Variants in NXPH2 observed in about 807,000 individuals in gnomAD.
NXPH2 encodes the protein neurexophilin 2.
Under a neutral mutation model 19.8 loss-of-function variants are expected in NXPH2, and 5 were observed. The ratio of observed to expected loss-of-function variants is 0.25; its 90% CI spans 0.13 to 0.53. The LOEUF (loss-of-function observed/expected upper bound fraction) is 0.53. Among genes scored for constraint, NXPH2 ranks in the 20% least tolerant of loss-of-function variants. NXPH2 has a pLI of 0.96. For synonymous variants in NXPH2, 154 were observed against 127.4 expected (o/e 1.21, Z -1.41); for missense variants, 289 against 322.8 (o/e 0.90, Z 0.80).
At chr2:138,744,496 G>T (rs1681694678) in intron 1 of NXPH2, among the ~76,000 whole-genome samples, 1 of 151,890 alleles carries the variant, frequency 6.6e-6, no homozygotes, top group Non-Finnish European at 1.5e-5. Context: ...GGCATCTTTT[G>T]GACCAATATT....
chr2:138,738,596 C>T lies in NXPH2; in HGVS notation c.51+41595G>A, dbSNP rs149042830. Reference sequence around the variant, plus strand: ...ATAGATTTCCTCAATCACTTCAATGCTCATTATAGAAGCACCTCTGTTCTA... The same window carrying T: ...ATAGATTTCCTCAATCACTTCAATGTTCATTATAGAAGCACCTCTGTTCTA... On this transcript the variant is annotated intron_variant, in intron 1 of 1. Transcript: ENST00000272641. 1.3e-3 allele frequency among the ~76,000 whole-genome samples: 204 copies of T among 152,246 alleles called. 1 individual carries two copies. The highest frequency in any genetic ancestry group is 4.7e-3 in the African/African-American group (194 of 41,542).
At chr2:138,675,165 T>C (rs1234585423) in intron 1 of NXPH2, among the ~76,000 whole-genome samples, 1 of 152,252 alleles carries the variant, frequency 6.6e-6, no homozygotes, top group Non-Finnish European at 1.5e-5. Context: ...ACATTTTTCA[T>C]TCAAAAGTAT....
At chr2:138,749,900 A>G (rs1453451371) in intron 1 of NXPH2, among the ~76,000 whole-genome samples, 1 of 152,132 alleles carries the variant, frequency 6.6e-6, no homozygotes, top group Admixed American at 6.6e-5. Context: ...GCTTATTTAA[A>G]GGGACTGTTT....
intron 1 of NXPH2, among the ~76,000 whole-genome samples, chr2:138,718,470 T>C (rs1335346978): frequency 1.3e-5 from 2 of 152,168 alleles, no homozygotes. Context: ...CTACAATTTT[T>C]ATGTAATATT....
chr2:138,693,609 ACTCTCTAGAAGC>A (rs1680775918), intron 1 of NXPH2, among the ~76,000 whole-genome samples: 1 of 151,574 alleles, frequency 6.6e-6, no homozygotes, highest in Admixed American at 6.6e-5. Flanking sequence ...CAAAGATGTG[ACTCTCTAGAAGC>A]AATAAACTAT....
intron 1 of NXPH2, among the ~76,000 whole-genome samples, chr2:138,719,188 A>T (rs951712982): frequency 8.5e-5 from 13 of 152,182 alleles, no homozygotes; most frequent in Non-Finnish European, 1.6e-4. Context: ...CTTTGGAAAG[A>T]ATGAGATATG....
At chr2:138,700,337 T>G (rs1680900677) in intron 1 of NXPH2, among the ~76,000 whole-genome samples, 1 of 152,284 alleles carries the variant, frequency 6.6e-6, no homozygotes, top group African/African-American at 2.4e-5. Context: ...AAATAAACCT[T>G]AACTATTCAA....
At chr2:138,726,370 A>G (rs924725658) in intron 1 of NXPH2, among the ~76,000 whole-genome samples, 2 of 152,128 alleles carry the variant, frequency 1.3e-5, no homozygotes, top group Admixed American at 6.6e-5. Flanking sequence ...AATTAATATA[A>G]TGTTGATTTA....
intron 1 of NXPH2, among the ~76,000 whole-genome samples, chr2:138,770,506 A>T (rs1682160673): frequency 6.6e-6 from 1 of 152,108 alleles, no homozygotes; most frequent in Admixed American, 6.5e-5. Flanking sequence ...TTTTAATATG[A>T]GACATAATGT....
rs549475528 is a variant in NXPH2, at chr2:138,716,300, C to T, written c.52-44635G>A. On this transcript the variant is annotated intron_variant, in intron 1 of 1. Transcript: ENST00000272641. ...AATGGATGGTAGTAGGAGACCGGGC[C>T]TCGGGGAGGAAACTAGGTTTAGATG... Among the ~76,000 whole-genome samples the T allele has an allele frequency of 3.3e-5, 5 of 152,232 alleles. No individual in the cohort carries two copies. The East Asian group carries it at 7.7e-4, about 24-fold the overall frequency.
At chr2:138,673,317 C>A (rs920216355) in intron 1 of NXPH2, among the ~76,000 whole-genome samples, 2 of 152,282 alleles carry the variant, frequency 1.3e-5, no homozygotes, top group African/African-American at 4.8e-5. Flanking sequence ...CTCTGGATTT[C>A]TGGCTCAAAG....
At chr2:138,736,346 A>T (rs1431507557) in intron 1 of NXPH2, among the ~76,000 whole-genome samples, 2 of 152,232 alleles carry the variant, frequency 1.3e-5, no homozygotes, top group East Asian at 1.9e-4. Context: ...CCAAACCTCA[A>T]TTCTTGACTT....
At chr2:138,731,879 A>C (rs1681458739) in intron 1 of NXPH2, among the ~76,000 whole-genome samples, 1 of 152,134 alleles carries the variant, frequency 6.6e-6, no homozygotes, top group Admixed American at 6.6e-5. Context: ...TTGGGCCCCA[A>C]CAGTTTTTTA....
At chr2:138,683,587 G>C (rs78114236) in intron 1 of NXPH2, among the ~76,000 whole-genome samples, 266 of 152,252 alleles carry the variant, frequency 1.7e-3, no homozygotes, top group African/African-American at 6.2e-3. Context: ...TCGGTCTTCA[G>C]GTACCATTAA....
chr2:138,696,008 T>C (rs556245692), intron 1 of NXPH2, among the ~76,000 whole-genome samples: 1 of 150,722 alleles, frequency 6.6e-6, no homozygotes, highest in Admixed American at 6.6e-5. Flanking sequence ...AGGAAGACCC[T>C]GTCTCTAAAA....
At chr2:138,754,330 C>G (rs1396415176) in intron 1 of NXPH2, among the ~76,000 whole-genome samples, 1 of 152,170 alleles carries the variant, frequency 6.6e-6, no homozygotes, top group Non-Finnish European at 1.5e-5. Context: ...GCCTGTCCTT[C>G]ACTATCCAAA....
chr2:138,715,423 A>T (rs756008202), intron 1 of NXPH2, among the ~76,000 whole-genome samples: 27 of 152,222 alleles, frequency 1.8e-4, no homozygotes, highest in Non-Finnish European at 3.8e-4. Flanking sequence ...GTGTCCATAC[A>T]TCAGATTTTT....
At chr2:138,763,091 A>C (rs1573982166) in intron 1 of NXPH2, among the ~76,000 whole-genome samples, 1 of 152,344 alleles carries the variant, frequency 6.6e-6, no homozygotes, top group Non-Finnish European at 1.5e-5. Flanking sequence ...AATCTGATAC[A>C]GGATGATTGG....
chr2:138,777,312 T>C (rs1241395412), intron 1 of NXPH2, among the ~76,000 whole-genome samples: 1 of 152,120 alleles, frequency 6.6e-6, no homozygotes, highest in East Asian at 1.9e-4. Flanking sequence ...TATAAGAGTA[T>C]GTTGCTGAAT....
Sources: gnomAD v4.1 joint callset for allele counts (sites outside exome capture counted in the v4.1 genomes callset) on GRCh38, gnomAD v4.1.1 for gene constraint, MANE v1.5 for transcripts, NCBI Gene and HGNC (gene_info 2026-07-23, HGNC 2026-07-21) for gene names.